Variants in RHOQ observed in about 807,000 individuals in gnomAD.
The protein encoded by RHOQ is rho-related GTP-binding protein RhoQ.
RHOQ carries 7 observed loss-of-function variants against 25.8 expected under a neutral mutation model. The observed-to-expected ratio is 0.27, with a 90% confidence interval of 0.15 to 0.51. The LOEUF (loss-of-function observed/expected upper bound fraction) is 0.51, where lower values mean the gene tolerates loss of function less well. Among genes scored for constraint, RHOQ ranks in the 20% least tolerant of loss-of-function variants. The pLI, the probability that RHOQ is intolerant of heterozygous loss-of-function variation, is 0.97. For synonymous variants in RHOQ, 97 were observed against 98.6 expected, an observed-to-expected ratio of 0.98 and a Z score of 0.10; for missense variants, 165 against 260.6, an observed-to-expected ratio of 0.63 and a Z score of 2.53.
At position 46,581,778 on chromosome 2, in the gene RHOQ, A is replaced by C. The variant is rs1345950148; in HGVS notation, c.*695A>C. ...GTACACATTTTAGTTAATGTGCATT[A>C]AACTGTAACAAGGCTTCTGGCAATT... On this transcript the variant is annotated 3_prime_UTR_variant, in exon 5 of 5. Transcript: ENST00000238738. 5 of 748,010 alleles carry C rather than the reference A, an allele frequency of 6.7e-6. No homozygotes were observed. Among genetic ancestry groups the C allele is most frequent in the Non-Finnish European group, 9.7e-6 (5 of 513,810 alleles). The allele number at this position is 748,010 out of a possible 1,614,324, so 46.3% of individuals were successfully genotyped here. A position where few individuals can be genotyped will look rare whatever the true frequency, so the allele number is the denominator to read the frequency against.
At chr2:46,553,798 C>T (rs1002104458) in intron 2 of RHOQ, among the ~76,000 whole-genome samples, 4 of 152,076 alleles carry the variant, frequency 2.6e-5, no homozygotes, top group South Asian at 4.1e-4. Context: ...AGGCTGGTCC[C>T]GAACTTCTGA....
chr2:46,567,839 T>A (rs1668782103), intron 2 of RHOQ, among the ~76,000 whole-genome samples: 1 of 152,132 alleles, frequency 6.6e-6, no homozygotes, highest in South Asian at 2.1e-4. Flanking sequence ...GGATAATTGC[T>A]TGAGCCCAGG....
intron 4 of RHOQ, among the ~76,000 whole-genome samples, chr2:46,577,707 G>A (rs996563317): frequency 2.0e-5 from 3 of 150,576 alleles, no homozygotes; most frequent in South Asian, 4.2e-4. Flanking sequence ...GAGCCACCGC[G>A]CCCGGCCCAT....
chr2:46,543,924 G>T (rs1013575143), intron 2 of RHOQ, 112 bp downstream of exon 2: 2 of 822,860 alleles, frequency 2.4e-6, no homozygotes, highest in African/African-American at 1.7e-5. Context: ...TCTGCGACGG[G>T]CTTCCCCTGG....
At chr2:46,570,160 G>C (rs563097207) in intron 2 of RHOQ, among the ~76,000 whole-genome samples, 8 of 152,282 alleles carry the variant, frequency 5.3e-5, no homozygotes, top group African/African-American at 1.9e-4. Flanking sequence ...GAGGTTTCAG[G>C]CCAGGCGTGG....
intron 1 of RHOQ, 90 bp from the exon 2 acceptor site, chr2:46,543,664 G>T: frequency 8.7e-7 from 1 of 1,147,768 alleles, no homozygotes; most frequent in Non-Finnish European, 1.3e-6. Flanking sequence ...TAGCTGGGTT[G>T]GGAGAGGAGG....
intron 2 of RHOQ, among the ~76,000 whole-genome samples, chr2:46,553,599 G>C (rs76078064): frequency 1.6e-5 from 2 of 126,104 alleles, no homozygotes; most frequent in African/African-American, 6.0e-5. Context: ...TTTTTTTTTT[G>C]AGACAGAGTC....
In RHOQ at chr2:46,578,141, T is replaced by C. The variant is rs566981132; in HGVS notation, c.462+1485T>C. Among the ~76,000 whole-genome samples, 6 of 152,256 alleles carry C rather than the reference T, an allele frequency of 3.9e-5. No individual in the cohort carries two copies. The East Asian group carries it at 9.7e-4, about 25-fold the overall frequency. On this transcript the variant is annotated intron_variant, in intron 4 of 4. Coordinates refer to ENST00000238738, the MANE Select transcript of RHOQ (RefSeq NM_012249.4). The stretch of plus-strand genomic sequence containing the variant: ...AGATTGCCATTGAAGATAGGAAATA[T>C]GTTCAAACTTATTAGTAGTCAAATG...
At chr2:46,543,216 G>A in intron 1 of RHOQ, 28 bp downstream of exon 1, 1 of 1,609,704 alleles carries the variant, frequency 6.2e-7, no homozygotes, top group South Asian at 1.1e-5. Flanking sequence ...TGACTAAGGG[G>A]CCGCTCCCCG....
intron 4 of RHOQ, among the ~76,000 whole-genome samples, chr2:46,578,373 A>G (rs746891357): frequency 1.1e-4 from 16 of 151,936 alleles, no homozygotes; most frequent in Non-Finnish European, 1.9e-4. Flanking sequence ...GATGTTGGTC[A>G]AAGTGTACAG....
At chr2:46,561,140 G>GTA (rs934122787) in intron 2 of RHOQ, among the ~76,000 whole-genome samples, 15 of 150,780 alleles carry the variant, frequency 9.9e-5, no homozygotes, top group East Asian at 3.9e-4. Context: ...GTGTGTGTGT[G>GTA]TATATATATA....
intron 4 of RHOQ, chr2:46,580,121 A>T (rs1224920206): frequency 6.6e-6 from 1 of 152,570 alleles, no homozygotes; most frequent in Admixed American, 6.5e-5. Flanking sequence ...CAATCATGTC[A>T]CTGCTCTGCT....
intron 2 of RHOQ, among the ~76,000 whole-genome samples, chr2:46,574,365 C>G (rs954108806): frequency 8.0e-5 from 12 of 149,966 alleles, no homozygotes; most frequent in African/African-American, 2.5e-4. Flanking sequence ...TATGGACTTG[C>G]AGTTTGAAAC....
rs76633011 is a variant in RHOQ, at chr2:46,560,878, G to A, written c.202-15209G>A. ...GATTTGGGTGTTTTGAAGTGTCTCA[G>A]TCATCTGAATATAAACCGTATTACA... On this transcript the variant is annotated intron_variant, in intron 2 of 4. Transcript: ENST00000238738. Among the ~76,000 whole-genome samples the A allele has an allele frequency of 4.2e-4, 64 of 152,130 alleles. No individual in the cohort carries two copies. The East Asian group carries it at 0.012, about 29-fold the overall frequency.
chr2:46,573,464 G>A (rs1669003733), intron 2 of RHOQ, among the ~76,000 whole-genome samples: 1 of 152,212 alleles, frequency 6.6e-6, no homozygotes, highest in African/African-American at 2.4e-5. Flanking sequence ...CTAAACATAT[G>A]TGTGTTTTAT....
intron 2 of RHOQ, chr2:46,560,397 A>G (rs1257534710): frequency 6.1e-6 from 2 of 330,174 alleles, no homozygotes; most frequent in Non-Finnish European, 1.2e-5. Context: ...GTTGGCTGGG[A>G]CTTAACTGAA....
chr2:46,543,692 A>G, intron 1 of RHOQ, 62 bp from the exon 2 acceptor site: 7 of 1,514,212 alleles, frequency 4.6e-6, no homozygotes, highest in Non-Finnish European at 6.4e-6. Flanking sequence ...TGGGGAGCGA[A>G]ATTGCCCCAG....
At chr2:46,547,306 G>T (rs184573279) in intron 2 of RHOQ, among the ~76,000 whole-genome samples, 12 of 152,350 alleles carry the variant, frequency 7.9e-5, no homozygotes, top group African/African-American at 2.9e-4. Context: ...CCCCAGTCAA[G>T]TTCAAAGCCA....
chr2:46,569,936 G>A lies in RHOQ; in HGVS notation c.202-6151G>A, dbSNP rs117817281. Among the ~76,000 whole-genome samples, 266 of 152,264 alleles carry A rather than the reference G, an allele frequency of 1.7e-3. 4 individuals are homozygous for A. In the East Asian group the frequency reaches 0.047, roughly 27 times the overall value. ...CCCCAAAATTTTCTTTAGTCCAAGAGTGCTGGGAGGTAGTAGGAAGTGGTA... is the reference window on the plus strand; with the variant it reads ...CCCCAAAATTTTCTTTAGTCCAAGAATGCTGGGAGGTAGTAGGAAGTGGTA... On this transcript the variant is annotated intron_variant, in intron 2 of 4. Transcript: ENST00000238738. The surrounding 1 kb of genome is among the most constrained non-coding windows in gnomAD (Gnocchi z 4.1).
Sources: allele counts gnomAD v4.1 joint callset (sites outside exome capture counted in the v4.1 genomes callset), GRCh38; gene constraint gnomAD v4.1.1; non-coding constraint Gnocchi (gnomAD v3.1); transcripts MANE v1.5; gene names NCBI Gene and HGNC (gene_info 2026-07-23, HGNC 2026-07-21).